Variants in TRHDE observed in about 807,000 individuals in gnomAD.
The protein encoded by TRHDE is thyrotropin releasing hormone degrading enzyme.
In TRHDE, 72 loss-of-function variants were observed where a neutral mutation model predicts 125.7. The observed-to-expected ratio is 0.57, with a 90% CI of 0.47 to 0.70. The LOEUF is 0.70. Ranked by LOEUF, TRHDE falls within the 30% of genes least tolerant of loss-of-function variation. TRHDE has a pLI of 0.00. For synonymous variants in TRHDE, 509 were observed against 509.1 expected (o/e 1.00, Z 0.00); for missense variants, 1,110 against 1,327.1 (o/e 0.84, Z 2.54).
intron 2 of TRHDE, chr12:72,256,911 AGC>A (rs1350910387): frequency 6.6e-6 from 1 of 152,228 alleles, no homozygotes; most frequent in African/African-American, 2.4e-5. Flanking sequence ...CACTCATACC[AGC>A]TATGCCTGAA....
chr12:72,231,571 A>T (rs995910918), intron 2 of TRHDE, among the ~76,000 whole-genome samples: 2 of 152,164 alleles, frequency 1.3e-5, no homozygotes, highest in Non-Finnish European at 2.9e-5. Context: ...AGAGCCCAGA[A>T]AATGCAGAAC....
chr12:72,148,867 A>G (rs1312754278), intron 2 of TRHDE, among the ~76,000 whole-genome samples: 1 of 152,216 alleles, frequency 6.6e-6, no homozygotes, highest in African/African-American at 2.4e-5. Flanking sequence ...GCTGGACTAG[A>G]ACAAAGTATG....
intron 3 of TRHDE, among the ~76,000 whole-genome samples, chr12:72,440,800 G>T (rs1874973495): frequency 6.6e-6 from 1 of 151,890 alleles, no homozygotes; most frequent in South Asian, 2.1e-4. Flanking sequence ...ACCCAACACA[G>T]GGTCTGTCAC....
intron 2 of TRHDE, chr12:72,147,607 C>T (rs1876258756): frequency 6.6e-6 from 1 of 152,166 alleles, no homozygotes; most frequent in Non-Finnish European, 1.5e-5. Context: ...TTATATTACT[C>T]TAAAACCTCA....
In TRHDE at chr12:72,383,920, A is replaced by T. The variant is rs1180368204; in HGVS notation, c.1315+5799A>T. Reference sequence around the variant, plus strand: ...AAATATAGCTTGCCTTATAAACTCGATGATTTGATTGTCAGAGGAATGATA... The same window carrying T: ...AAATATAGCTTGCCTTATAAACTCGTTGATTTGATTGTCAGAGGAATGATA... On this transcript the variant is annotated intron_variant, in intron 3 of 18. Transcript: ENST00000261180. Among the ~76,000 whole-genome samples, 9 of 152,032 alleles carry T rather than the reference A, an allele frequency of 5.9e-5. No homozygotes were observed. In the East Asian group the frequency reaches 1.7e-3, roughly 29 times the overall value.
chr12:72,422,679 T>C (rs1213096451), intron 3 of TRHDE, among the ~76,000 whole-genome samples: 1 of 152,220 alleles, frequency 6.6e-6, no homozygotes, highest in East Asian at 1.9e-4. Context: ...TTCAGCTTCT[T>C]GACCTTCTGA....
At chr12:72,449,962 C>T (rs1428494961) in intron 3 of TRHDE, among the ~76,000 whole-genome samples, 1 of 151,902 alleles carries the variant, frequency 6.6e-6, no homozygotes, top group Non-Finnish European at 1.5e-5. Flanking sequence ...TGATTCCATT[C>T]ATTTCCCCAT....
chr12:72,403,872 G>C (rs190430654), intron 3 of TRHDE, among the ~76,000 whole-genome samples: 2 of 152,250 alleles, frequency 1.3e-5, no homozygotes, highest in South Asian at 4.1e-4. Context: ...TGGAGTGGAG[G>C]GGGTAGGTCA....
chr12:72,097,475 G>C (rs1190388594), intron 1 of TRHDE, among the ~76,000 whole-genome samples: 1 of 94,962 alleles, frequency 1.1e-5, no homozygotes, highest in African/African-American at 5.1e-5. Flanking sequence ...TTTAGACAGA[G>C]TTTTGCTCTG....
chr12:72,223,322 T>C (rs181792385), intron 2 of TRHDE, among the ~76,000 whole-genome samples: 1 of 152,176 alleles, frequency 6.6e-6, no homozygotes, highest in African/African-American at 2.4e-5. Context: ...CATCTGGAGA[T>C]TTATTTTTCC....
At chr12:72,383,041 A>C (rs1300178922) in intron 3 of TRHDE, among the ~76,000 whole-genome samples, 7 of 152,214 alleles carry the variant, frequency 4.6e-5, no homozygotes, top group Admixed American at 4.6e-4. Context: ...ATAAGTAACC[A>C]GTGCACGCTG....
chr12:72,514,008 TG>T (rs889317973), intron 6 of TRHDE, among the ~76,000 whole-genome samples: 38 of 152,164 alleles, frequency 2.5e-4, no homozygotes, highest in African/African-American at 9.2e-4. Flanking sequence ...AAGCAACCTT[TG>T]ACTGGCATCG....
intron 3 of TRHDE, among the ~76,000 whole-genome samples, chr12:72,461,597 T>A (rs1394417601): frequency 1.3e-5 from 2 of 151,978 alleles, no homozygotes; most frequent in Admixed American, 6.6e-5. Context: ...CAACCAGTCA[T>A]GGTATAATCA....
chr12:72,314,147 C>T (rs747215499), intron 2 of TRHDE, among the ~76,000 whole-genome samples: 1 of 152,148 alleles, frequency 6.6e-6, no homozygotes, highest in Non-Finnish European at 1.5e-5. Context: ...AAATCTCAGA[C>T]CCTTAGCAGT....
At chr12:72,639,934 T>C (rs1027583902) in intron 15 of TRHDE, among the ~76,000 whole-genome samples, 16 of 146,446 alleles carry the variant, frequency 1.1e-4, no homozygotes, top group African/African-American at 2.5e-4. Context: ...CTTAAGTCTG[T>C]AGAGGTTACT....
intron 5 of TRHDE, among the ~76,000 whole-genome samples, chr12:72,476,335 C>T (rs1455542800): frequency 1.3e-5 from 2 of 152,236 alleles, no homozygotes; most frequent in African/African-American, 4.8e-5. Context: ...CAAATTGCCC[C>T]TCCATATATA....
At chr12:72,393,920 A>G (rs1872696599) in intron 3 of TRHDE, among the ~76,000 whole-genome samples, 1 of 152,040 alleles carries the variant, frequency 6.6e-6, no homozygotes, top group Non-Finnish European at 1.5e-5. Flanking sequence ...TATCAATCCA[A>G]CTCTCATGCA....
chr12:72,270,253 T>G (rs1879165785), upstream of TRHDE, among the ~76,000 whole-genome samples: 1 of 152,206 alleles, frequency 6.6e-6, no homozygotes, highest in Non-Finnish European at 1.5e-5. Flanking sequence ...GGCATTTCCC[T>G]TGGTCTGTTG....
At chr12:72,330,623 C>T (rs1869550993) in intron 2 of TRHDE, among the ~76,000 whole-genome samples, 1 of 152,158 alleles carries the variant, frequency 6.6e-6, no homozygotes, top group Admixed American at 6.5e-5. Flanking sequence ...CTCTCAAAGG[C>T]TGGCAGTTAG....
Sources: allele counts gnomAD v4.1 joint callset (sites outside exome capture counted in the v4.1 genomes callset), GRCh38; gene constraint gnomAD v4.1.1; transcripts MANE v1.5; gene names NCBI Gene and HGNC (gene_info 2026-07-23, HGNC 2026-07-21).